The following CNTNAP2 variants were observed in gnomAD, a reference collection of about 807,000 sequenced individuals.
CNTNAP2 encodes contactin-associated protein-like 2.
In CNTNAP2, 98 loss-of-function variants were observed where a neutral mutation model predicts 155.2. The observed-to-expected ratio is 0.63, with a 90% confidence interval of 0.54 to 0.75. CNTNAP2 has a LOEUF of 0.75. Among genes scored for constraint, CNTNAP2 ranks in the 30% least tolerant of loss-of-function variants. CNTNAP2 has a pLI of 0.00. For missense variants in CNTNAP2, 1,727 were observed against 1,688.1 expected (o/e 1.02, Z -0.40); for synonymous variants, 651 against 631.2 (o/e 1.03, Z -0.47).
chr7:147,928,902 C>T (rs904614635), intron 14 of CNTNAP2, among the ~76,000 whole-genome samples: 1 of 151,756 alleles, frequency 6.6e-6, no homozygotes, highest in Non-Finnish European at 1.5e-5. Flanking sequence ...ATCAGCCTGA[C>T]CAACATGGAG....
chr7:146,867,154 A>G (rs982099458), intron 3 of CNTNAP2, among the ~76,000 whole-genome samples: 1 of 151,856 alleles, frequency 6.6e-6, no homozygotes, highest in African/African-American at 2.4e-5. Context: ...TATCTTTTCT[A>G]TTCTTCTCCC....
intron 15 of CNTNAP2, among the ~76,000 whole-genome samples, chr7:147,978,843 C>CTAT (rs1801475685): frequency 9.9e-5 from 15 of 152,130 alleles, no homozygotes; most frequent in Non-Finnish European, 2.2e-4. Flanking sequence ...AAATAGCTGA[C>CTAT]TTGCCAGGAG....
intron 15 of CNTNAP2, among the ~76,000 whole-genome samples, chr7:148,045,767 A>G (rs1001400839): frequency 1.3e-5 from 2 of 152,180 alleles, no homozygotes; most frequent in African/African-American, 4.8e-5. Context: ...TTACACAATC[A>G]CCCACATAGC....
At chr7:147,800,812 A>G (rs927541103) in intron 13 of CNTNAP2, among the ~76,000 whole-genome samples, 6 of 152,226 alleles carry the variant, frequency 3.9e-5, no homozygotes, top group Non-Finnish European at 1.5e-5. Context: ...CCATATTACT[A>G]CTGTACTTTT....
chr7:148,315,002 A>C (rs1161468624), intron 21 of CNTNAP2, among the ~76,000 whole-genome samples: 1 of 152,150 alleles, frequency 6.6e-6, no homozygotes, highest in Non-Finnish European at 1.5e-5. Flanking sequence ...GAAAGGAGAA[A>C]GAGGTTGAGG....
At chr7:148,006,135 C>T (rs879444745) in intron 15 of CNTNAP2, among the ~76,000 whole-genome samples, 6 of 151,790 alleles carry the variant, frequency 4.0e-5, no homozygotes, top group Non-Finnish European at 7.4e-5. Flanking sequence ...CTAAGTCATA[C>T]TCTATGAGCC....
chr7:146,781,423 C>T (rs760348100), intron 2 of CNTNAP2, among the ~76,000 whole-genome samples: 1 of 151,950 alleles, frequency 6.6e-6, no homozygotes, highest in Non-Finnish European at 1.5e-5. Flanking sequence ...ACAAAAGACA[C>T]CACTGAAGTT....
At chr7:148,284,430 T>C (rs1045829445) in intron 21 of CNTNAP2, among the ~76,000 whole-genome samples, 4 of 152,080 alleles carry the variant, frequency 2.6e-5, no homozygotes, top group Non-Finnish European at 4.4e-5. Flanking sequence ...TCCCCAGCCA[T>C]GTGGAACTGT....
intron 21 of CNTNAP2, among the ~76,000 whole-genome samples, chr7:148,319,997 C>T (rs1797761531): frequency 1.3e-5 from 2 of 152,102 alleles, no homozygotes; most frequent in Admixed American, 6.6e-5. Context: ...GATTGCAGAC[C>T]ACTCTGCTAG....
At chr7:148,021,615 GA>G (rs1251482016) in intron 15 of CNTNAP2, among the ~76,000 whole-genome samples, 2 of 152,254 alleles carry the variant, frequency 1.3e-5, no homozygotes, top group Non-Finnish European at 2.9e-5. Context: ...CCACCTGCGA[GA>G]GACGGCGCTA....
At chr7:147,647,798 G>T (rs927062565) in intron 13 of CNTNAP2, among the ~76,000 whole-genome samples, 1 of 152,226 alleles carries the variant, frequency 6.6e-6, no homozygotes, top group South Asian at 2.1e-4. Flanking sequence ...TAGGAAGAAA[G>T]AATCAGATTA....
chr7:147,311,722 C>T (rs974448164), intron 9 of CNTNAP2, among the ~76,000 whole-genome samples: 2 of 151,866 alleles, frequency 1.3e-5, no homozygotes, highest in Non-Finnish European at 2.9e-5. Flanking sequence ...TTTTCCCCAA[C>T]AAAGTTGATA....
chr7:148,363,977 G>A (rs2116623178), intron 21 of CNTNAP2, among the ~76,000 whole-genome samples: 1 of 152,324 alleles, frequency 6.6e-6, no homozygotes, highest in South Asian at 2.1e-4. Context: ...AGGGTGTACT[G>A]GGTCCCCCAG....
At chr7:148,341,087 A>T (rs1339233521) in intron 21 of CNTNAP2, among the ~76,000 whole-genome samples, 1 of 152,132 alleles carries the variant, frequency 6.6e-6, no homozygotes, top group Non-Finnish European at 1.5e-5. Context: ...CTTAGCGCTG[A>T]TTGTGAAGAA....
chr7:146,498,695 A>T (rs76814964), intron 1 of CNTNAP2, among the ~76,000 whole-genome samples: 3 of 148,516 alleles, frequency 2.0e-5, no homozygotes, highest in Non-Finnish European at 3.0e-5. Flanking sequence ...AAAAAAAAAA[A>T]TCCTGTCGGT....
chr7:146,411,260 G>A (rs546117779), intron 1 of CNTNAP2, among the ~76,000 whole-genome samples: 5 of 151,010 alleles, frequency 3.3e-5, no homozygotes, highest in African/African-American at 9.7e-5. Context: ...GGGTTCAAGC[G>A]ATTCTCCTGC....
intron 3 of CNTNAP2, among the ~76,000 whole-genome samples, chr7:146,937,404 C>T (rs1249194664): frequency 1.3e-5 from 2 of 150,668 alleles, no homozygotes; most frequent in African/African-American, 2.4e-5. Context: ...CGAAAACCGA[C>T]TGTTAATACT....
intron 1 of CNTNAP2, among the ~76,000 whole-genome samples, chr7:146,513,429 T>C (rs890162185): frequency 1.3e-5 from 2 of 151,930 alleles, no homozygotes; most frequent in Admixed American, 6.6e-5. Context: ...TCTGGTAGTA[T>C]GTTTTGATTC....
At chr7:147,676,479 A>G (rs970448402) in intron 13 of CNTNAP2, among the ~76,000 whole-genome samples, 44 of 152,038 alleles carry the variant, frequency 2.9e-4, no homozygotes, top group African/African-American at 9.7e-4. Context: ...CTAGGTAACT[A>G]ACATATGCAC....
Sources: allele counts gnomAD v4.1 joint callset (sites outside exome capture counted in the v4.1 genomes callset), GRCh38; gene constraint gnomAD v4.1.1; transcripts MANE v1.5; gene names NCBI Gene and HGNC (gene_info 2026-07-23, HGNC 2026-07-21).